Variants in BICC1 observed in about 807,000 individuals in gnomAD.
The protein encoded by BICC1 is protein bicaudal C homolog 1.
Under a neutral mutation model 111.0 loss-of-function variants are expected in BICC1, and 43 were observed. That is an observed-to-expected ratio of 0.39 (90% CI 0.30 to 0.50). The LOEUF is 0.50. Ranked by LOEUF, BICC1 falls within the 20% of genes least tolerant of loss-of-function variation. The pLI is 0.88. For synonymous variants in BICC1, 467 were observed against 434.4 expected (o/e 1.07, Z -0.93); for missense variants, 1,091 against 1,203.2 (o/e 0.91, Z 1.38).
At chr10:58,521,592 T>C (rs1842388088) in intron 1 of BICC1, among the ~76,000 whole-genome samples, 1 of 152,044 alleles carries the variant, frequency 6.6e-6, no homozygotes, top group Non-Finnish European at 1.5e-5. Flanking sequence ...TCCTTATACC[T>C]GCGGTTCCCA....
intron 1 of BICC1, among the ~76,000 whole-genome samples, chr10:58,594,904 C>CAA (rs1468729468): frequency 6.6e-6 from 1 of 152,058 alleles, no homozygotes; most frequent in Non-Finnish European, 1.5e-5. Context: ...CTAAATGCCC[C>CAA]AATAAAAAGA....
intron 2 of BICC1, among the ~76,000 whole-genome samples, chr10:58,677,677 A>C (rs1839387631): frequency 6.6e-6 from 1 of 152,190 alleles, no homozygotes; most frequent in African/African-American, 2.4e-5. Flanking sequence ...GCCAACATTC[A>C]AATTCAGGAA....
intron 1 of BICC1, among the ~76,000 whole-genome samples, chr10:58,603,043 G>T (rs1434364489): frequency 6.6e-6 from 1 of 152,116 alleles, no homozygotes; most frequent in Non-Finnish European, 1.5e-5. Flanking sequence ...GCATTTAATA[G>T]ATCAAGTTTA....
At chr10:58,657,791 A>G (rs1838705931) in intron 2 of BICC1, among the ~76,000 whole-genome samples, 1 of 106,468 alleles carries the variant, frequency 9.4e-6, no homozygotes, top group Admixed American at 1.1e-4. Flanking sequence ...TCCAATTGAT[A>G]TATAAAGATC....
intron 2 of BICC1, among the ~76,000 whole-genome samples, chr10:58,693,114 G>A (rs1839961726): frequency 6.6e-6 from 1 of 152,010 alleles, no homozygotes; most frequent in African/African-American, 2.4e-5. Context: ...TGCGGTGTTT[G>A]GTTTTTTGTC....
intron 18 of BICC1, 86 bp downstream of exon 18, chr10:58,814,072 C>A (rs1218204839): frequency 6.8e-7 from 1 of 1,469,794 alleles, no homozygotes; most frequent in Admixed American, 1.7e-5. Context: ...ACTGTGGCCT[C>A]TCTGACTTCA....
chr10:58,827,450 T>A (rs1010489615), intron 20 of BICC1, among the ~76,000 whole-genome samples: 1 of 151,916 alleles, frequency 6.6e-6, no homozygotes, highest in African/African-American at 2.4e-5. Context: ...GCAAAAAAAA[T>A]AATAAATAAA....
At chr10:58,697,086 A>G (rs1161031904) in intron 2 of BICC1, among the ~76,000 whole-genome samples, 1 of 152,244 alleles carries the variant, frequency 6.6e-6, no homozygotes, top group Non-Finnish European at 1.5e-5. Flanking sequence ...GTAACATTTC[A>G]CACAACTGGG....
At chr10:58,722,600 A>C (rs1840973916) in intron 3 of BICC1, among the ~76,000 whole-genome samples, 1 of 152,230 alleles carries the variant, frequency 6.6e-6, no homozygotes, top group African/African-American at 2.4e-5. Context: ...ATATACAGGA[A>C]AATAAAATTA....
intron 1 of BICC1, among the ~76,000 whole-genome samples, chr10:58,572,142 CTG>C (rs1008424169): frequency 3.3e-5 from 5 of 152,076 alleles, no homozygotes; most frequent in Non-Finnish European, 7.4e-5. Flanking sequence ...TAAGAAGTGT[CTG>C]TTCATGTCCT....
intron 2 of BICC1, among the ~76,000 whole-genome samples, chr10:58,653,044 G>C (rs1168826564): frequency 6.6e-6 from 1 of 152,048 alleles, no homozygotes; most frequent in African/African-American, 2.4e-5. Context: ...GAGACATACA[G>C]AAAACAAATT....
intron 2 of BICC1, among the ~76,000 whole-genome samples, chr10:58,686,153 G>T (rs1280348268): frequency 6.6e-6 from 1 of 152,142 alleles, no homozygotes; most frequent in African/African-American, 2.4e-5. Flanking sequence ...TGAAATTCTG[G>T]GTTGAAAATT....
Position 58,801,000 on chromosome 10 carries a change from A to G in BICC1, c.1969A>G (p.Arg657Gly). Residue 657 changes from arginine (R) to glycine (G), a missense_variant, in exon 14 of 21, where the codon AGG becomes GGG. Around this residue, in one of 3 missense-constraint regions of BICC1, gnomAD observed 843 missense variants for 900.8 expected, o/e 0.94. Transcript: ENST00000373886. The part of the protein sequence containing the change: ...MCPSKVSCAK[R>G]QTVELLQGTK... ...TCCCTCCAAGGTTTCCTGTGCCAAAAGGCAGACAGTGGAACTATTGCAAGG... is the reference window on the plus strand; with the variant it reads ...TCCCTCCAAGGTTTCCTGTGCCAAAGGGCAGACAGTGGAACTATTGCAAGG... 2 of 1,612,490 alleles carry G rather than the reference A, an allele frequency of 1.2e-6. No individual in the cohort carries two copies. Among genetic ancestry groups the G allele is most frequent in the East Asian group, 4.5e-5 (2 of 44,716 alleles).
intron 2 of BICC1, among the ~76,000 whole-genome samples, chr10:58,654,166 G>A (rs1838549151): frequency 7.9e-6 from 1 of 127,290 alleles, no homozygotes; most frequent in Non-Finnish European, 1.6e-5. Context: ...CTTTATAGCA[G>A]CATGATTTAT....
chr10:58,577,116 T>C (rs945209713), intron 1 of BICC1, among the ~76,000 whole-genome samples: 3 of 152,208 alleles, frequency 2.0e-5, no homozygotes, highest in African/African-American at 7.2e-5. Flanking sequence ...CTGCTGGACC[T>C]GTGATCCTCA....
chr10:58,643,105 C>A (rs1169187978), intron 2 of BICC1, among the ~76,000 whole-genome samples: 1 of 152,132 alleles, frequency 6.6e-6, no homozygotes, highest in Non-Finnish European at 1.5e-5. Context: ...TGAATAAAAT[C>A]TTGTATTTTT....
At chr10:58,803,439 A>G (rs1293225750) in intron 15 of BICC1, among the ~76,000 whole-genome samples, 197 bp downstream of exon 15, 2 of 152,232 alleles carry the variant, frequency 1.3e-5, no homozygotes, top group African/African-American at 4.8e-5. Flanking sequence ...ACCTTAAGTG[A>G]GAATTCTTTA....
chr10:58,649,845 A>T (rs559555425), intron 2 of BICC1, among the ~76,000 whole-genome samples: 110 of 56,262 alleles, frequency 2.0e-3, no homozygotes, highest in Admixed American at 0.014. Context: ...AAGGTTTGTT[A>T]CCTAGGATTT....
intron 17 of BICC1, among the ~76,000 whole-genome samples, chr10:58,812,958 T>G (rs775017826): frequency 6.6e-6 from 1 of 152,094 alleles, no homozygotes; most frequent in Admixed American, 6.6e-5. Context: ...AGGAAGATCC[T>G]CCAAAGGACA....
Sources: gnomAD v4.1 joint callset for allele counts (sites outside exome capture counted in the v4.1 genomes callset) on GRCh38, gnomAD v4.1.1 for gene constraint, gnomAD v4.1.1 regional missense constraint, MANE v1.5 for transcripts, NCBI Gene and HGNC (gene_info 2026-07-23, HGNC 2026-07-21) for gene names.